Variants in NBR1 observed in about 807,000 individuals in gnomAD.
The protein encoded by NBR1 is NBR1 autophagy cargo receptor.
NBR1 carries 59 observed loss-of-function variants against 115.5 expected under a neutral mutation model. The observed-to-expected ratio is 0.51, with a 90% confidence interval of 0.41 to 0.63. The LOEUF is 0.63. Among genes scored for constraint, NBR1 ranks in the 30% least tolerant of loss-of-function variants. The pLI is 0.00. For synonymous variants in NBR1, 373 were observed against 414.7 expected, an observed-to-expected ratio of 0.90 and a Z score of 1.22; for missense variants, 1,043 against 1,150.5, an observed-to-expected ratio of 0.91 and a Z score of 1.35.
chr17:43,177,019 C>T (rs1006806321), intron 2 of NBR1, among the ~76,000 whole-genome samples: 3 of 152,066 alleles, frequency 2.0e-5, no homozygotes, highest in Non-Finnish European at 4.4e-5. Context: ...GCCTAGAATC[C>T]CAGCACTTTG....
At chr17:43,204,446 G>C (rs1196017563) in intron 20 of NBR1, among the ~76,000 whole-genome samples, 1 of 151,974 alleles carries the variant, frequency 6.6e-6, no homozygotes, top group African/African-American at 2.4e-5. Flanking sequence ...AAGGTGGGAG[G>C]ATTGCTTGAG....
At chr17:43,187,519 T>G (rs923060430) in intron 6 of NBR1, among the ~76,000 whole-genome samples, 17 of 143,514 alleles carry the variant, frequency 1.2e-4, no homozygotes, top group African/African-American at 4.4e-4. Flanking sequence ...TTTTTTTTTT[T>G]TTTTTTTGAG....
intron 1 of NBR1, among the ~76,000 whole-genome samples, chr17:43,171,562 G>A (rs1362863451): frequency 6.6e-6 from 1 of 152,222 alleles, no homozygotes; most frequent in African/African-American, 2.4e-5. Context: ...CCAGTGGAAT[G>A]AGGGCCTAGG....
At chr17:43,190,580 T>G in intron 8 of NBR1, 29 bp from the exon 9 acceptor site, 1 of 1,554,308 alleles carries the variant, frequency 6.4e-7, no homozygotes, top group Non-Finnish European at 8.7e-7. Context: ...TATTCTGCCA[T>G]TGTGTATTGT....
intron 2 of NBR1, among the ~76,000 whole-genome samples, chr17:43,177,622 G>C (rs1488318597): frequency 1.5e-4 from 17 of 113,504 alleles, no homozygotes; most frequent in South Asian, 5.1e-4. Flanking sequence ...CACACACACA[G>C]TTTGGTATTC....
Position 43,184,155 on chromosome 17 carries a change from G to T in NBR1, c.208-2095G>T, listed in dbSNP as rs546495799. 2.0e-5 allele frequency among the ~76,000 whole-genome samples: 3 copies of T among 151,864 alleles called. 1 individual carries two copies. The highest frequency in any genetic ancestry group is 4.2e-4 in the South Asian group (2 of 4,804). On this transcript the variant is annotated intron_variant, in intron 5 of 20. Transcript: ENST00000590996. ...CAGCCTTGACTTCCTGGGCTCAAGT[G>T]GTCTTCCTACCTCAGGCTCCTGTGT...
Position 43,191,355 on chromosome 17 carries a change from C to G in NBR1, c.864-17C>G, listed in dbSNP as rs770387760. 1 of 1,583,746 alleles carries G rather than the reference C, an allele frequency of 6.3e-7. No homozygotes were observed. The stretch of plus-strand genomic sequence containing the variant: ...ATTTGTGACTTTCTTTTAAGACTTG[C>G]TTTTATTATCTCACAGGCTCCAGAA... On this transcript the variant is annotated splice_polypyrimidine_tract_variant and intron_variant, in intron 9 of 20. Coordinates refer to ENST00000590996, the MANE Select transcript of NBR1 (RefSeq NM_005899.5).
At chr17:43,185,827 T>C (rs2154582097) in intron 5 of NBR1, among the ~76,000 whole-genome samples, 1 of 152,072 alleles carries the variant, frequency 6.6e-6, no homozygotes, top group Middle Eastern at 3.4e-3. Context: ...TGAAACCCCA[T>C]CTCTACTACA....
intron 14 of NBR1, 55 bp from the exon 15 acceptor site, chr17:43,196,424 CTG>C: frequency 9.5e-7 from 1 of 1,057,068 alleles, no homozygotes; most frequent in Non-Finnish European, 1.4e-6. Flanking sequence ...TGGACACTGA[CTG>C]TTGATGATAT....
At chr17:43,186,585 A>T (rs2056808123) in intron 6 of NBR1, 141 bp downstream of exon 6, 1 of 711,974 alleles carries the variant, frequency 1.4e-6, no homozygotes, top group Non-Finnish European at 2.1e-6. Context: ...TTTGTTATAT[A>T]GGTATACATG....
chr17:43,199,907 T>C (rs1171469192), intron 16 of NBR1, among the ~76,000 whole-genome samples: 1 of 152,230 alleles, frequency 6.6e-6, no homozygotes, highest in Non-Finnish European at 1.5e-5. Flanking sequence ...AGCTGCCTCC[T>C]TTTATGATTC....
intron 4 of NBR1, among the ~76,000 whole-genome samples, chr17:43,180,055 A>G (rs1482592683): frequency 2.6e-5 from 4 of 152,230 alleles, no homozygotes; most frequent in Admixed American, 6.5e-5. Flanking sequence ...GTTGCTGTTC[A>G]TATATAATAA....
intron 14 of NBR1, 122 bp from the exon 15 acceptor site, chr17:43,196,359 T>G (rs2057067593): frequency 1.7e-6 from 1 of 586,934 alleles, no homozygotes; most frequent in Non-Finnish European, 2.9e-6. Flanking sequence ...CCTCAAAGCA[T>G]ATCTTGGTTT....
chr17:43,172,739 G>T (rs527991821), intron 1 of NBR1, among the ~76,000 whole-genome samples: 1 of 152,312 alleles, frequency 6.6e-6, no homozygotes, highest in South Asian at 2.1e-4. Context: ...GCCTTTAAAT[G>T]ACAGTCTTAA....
chr17:43,190,938 T>C (rs1220113307), intron 9 of NBR1, among the ~76,000 whole-genome samples, 162 bp downstream of exon 9: 5 of 152,152 alleles, frequency 3.3e-5, no homozygotes, highest in Non-Finnish European at 7.4e-5. Context: ...ATAGAAATAA[T>C]AGCTATAAAA....
Position 43,194,995 on chromosome 17 carries a change from A to G in NBR1, c.1706A>G (p.Asn569Ser). The G allele has an allele frequency of 6.2e-7, 1 of 1,613,820 alleles. No homozygotes were observed. Among genetic ancestry groups the G allele is most frequent in the Non-Finnish European group, 8.5e-7 (1 of 1,179,834 alleles). Residue 569 changes from asparagine to serine, a missense_variant, in exon 14 of 21, where the codon AAC (asparagine) becomes AGC (serine). Physicochemically the swap from Asn to Ser is conservative, Grantham distance 46 (BLOSUM62 1). Transcript: ENST00000590996. ...CTGTCCTTTGAGCTGTTGGATATAA[A>G]CATTGTTCAAGAGTTGGAGAGAGTG... The part of the protein sequence containing the change: ...DLLSFELLDI[N>S]IVQELERVPH...
chr17:43,210,732 T>C lies in NBR1; in HGVS notation c.*658T>C, dbSNP rs1211238602. The stretch of plus-strand genomic sequence containing the variant: ...TTCAATGAAAGGAGGAAGAGTGTGC[T>C]GATAAACCTACCAGCACCTATTGAG... On this transcript the variant is annotated 3_prime_UTR_variant, in exon 21 of 21. Coordinates refer to ENST00000590996, the MANE Select transcript of NBR1 (RefSeq NM_005899.5). 5.0e-6 allele frequency: 2 copies of C among 398,410 alleles called. No individual in the cohort carries two copies. The highest frequency in any genetic ancestry group is 2.1e-5 in the African/African-American group (1 of 48,604). The allele number at this position is 398,410 out of a possible 1,614,324, so 24.7% of individuals were successfully genotyped here.
At chr17:43,202,179 G>GAA (rs66915634) in intron 18 of NBR1, among the ~76,000 whole-genome samples, 35,033 of 117,624 alleles carry the variant, frequency 0.3, 5,751 homozygotes, top group South Asian at 0.47. Context: ...GACTCCGTCT[G>GAA]AAAAAAAAAA....
rs1365429529 is a variant in NBR1 at position 43,194,493 on chromosome 17, T to C, written c.1668T>C (p.Thr556=). Residue 556 remains threonine, a synonymous_variant, in exon 13 of 21, where the codon ACT becomes ACC. Coordinates refer to ENST00000590996, the MANE Select transcript of NBR1 (RefSeq NM_005899.5). ...ELYIPSVDLL[T]AQDLLSFELL... is the part of the protein sequence containing the mutation. Reference sequence around the variant, plus strand: ...ACATCCCATCTGTGGATCTTCTGACTGCCCAGGTGGAAGATTCAGCACTTT... The same window carrying C: ...ACATCCCATCTGTGGATCTTCTGACCGCCCAGGTGGAAGATTCAGCACTTT... 10 of 1,613,892 alleles carry C rather than the reference T, an allele frequency of 6.2e-6. No homozygotes were observed. Among genetic ancestry groups the C allele is most frequent in the Non-Finnish European group, 8.5e-6 (10 of 1,179,820 alleles).
Sources: allele counts gnomAD v4.1 joint callset (sites outside exome capture counted in the v4.1 genomes callset), GRCh38; gene constraint gnomAD v4.1.1; transcripts MANE v1.5; gene names NCBI Gene and HGNC (gene_info 2026-07-23, HGNC 2026-07-21).